The following WDR90 variants were observed in gnomAD, a reference collection of about 807,000 sequenced individuals.
WDR90 encodes the protein WD repeat domain 90.
A neutral mutation model predicts 195.2 loss-of-function variants in WDR90; 238 were observed. The observed-to-expected ratio is 1.22, with a 90% CI of 1.10 to 1.36. The LOEUF (loss-of-function observed/expected upper bound fraction) is 1.36. WDR90 is among the 40% of genes most tolerant of loss of function. The pLI is 0.00. For synonymous variants in WDR90, 1,265 were observed against 1,052.4 expected, an observed-to-expected ratio of 1.20 and a Z score of -3.91; for missense variants, 2,734 against 2,439.5, an observed-to-expected ratio of 1.12 and a Z score of -2.54.
At chr16:654,013 C>T (rs1322444373) in intron 13 of WDR90, 4 of 626,064 alleles carry the variant, frequency 6.4e-6, no homozygotes, top group East Asian at 2.8e-5. Flanking sequence ...TTTCACGTCT[C>T]GGCTTTTCGG....
chr16:665,759 G>T lies in WDR90; in HGVS notation c.4392G>T (p.Leu1464Phe). The change falls in exon 35 of 41, where the codon TTG becomes TTT. Residue 1464 changes from leucine to phenylalanine, a missense_variant. By Grantham distance (22) the Leu-to-Phe change is conservative. Coordinates refer to ENST00000293879, the MANE Select transcript of WDR90 (RefSeq NM_145294.5). ...SEDGSVRVWALASMELVIQFQ... is the reference protein window; with the variant it reads ...SEDGSVRVWAFASMELVIQFQ... Reference sequence around the variant, plus strand: ...ATGGGAGTGTGCGGGTGTGGGCCTTGGCCAGCATGGAGCTTGTGATCCAGT... The same window carrying T: ...ATGGGAGTGTGCGGGTGTGGGCCTTTGCCAGCATGGAGCTTGTGATCCAGT... The T allele has an allele frequency of 6.2e-7, 1 of 1,605,334 alleles. No individual in the cohort carries two copies. The highest frequency in any genetic ancestry group is 8.5e-7 in the Non-Finnish European group (1 of 1,174,394).
chr16:663,018 C>A (rs758865378), intron 34 of WDR90, 174 bp downstream of exon 34: 2 of 998,808 alleles, frequency 2.0e-6, no homozygotes, highest in African/African-American at 3.2e-5. Flanking sequence ...CCCTCAAAGC[C>A]GTCCCGGTTG....
Position 650,285 on chromosome 16 carries a change from A to G in WDR90, c.311A>G (p.Asn104Ser). The G allele has an allele frequency of 1.2e-6, 2 of 1,612,670 alleles. No homozygotes were observed. Among genetic ancestry groups the G allele is most frequent in the African/African-American group, 1.3e-5 (1 of 74,944 alleles). Residue 104 changes from asparagine to serine, a missense_variant, in exon 4 of 41, where the codon AAC becomes AGC. By Grantham distance (46) the Asn-to-Ser change is conservative. Coordinates refer to ENST00000293879, the MANE Select transcript of WDR90 (RefSeq NM_145294.5). ...CAAGTCATCCGTGTGTCTTTCTCCA[A>G]CCTCTTCAAGGAGTTTAAGTCTACG... Reference protein sequence around the residue: ...DNQVIRVSFSNLFKEFKSTAT... With the variant: ...DNQVIRVSFSSLFKEFKSTAT...
Position 653,641 on chromosome 16 carries a change from G to C in WDR90, c.1350G>C (p.Arg450=). The C allele has an allele frequency of 6.2e-7, 1 of 1,613,578 alleles. No individual in the cohort carries two copies. Among genetic ancestry groups the C allele is most frequent in the African/African-American group, 1.3e-5 (1 of 75,076 alleles). The change falls in exon 12 of 41, where the codon CGG becomes CGC. Residue 450 remains arginine, a synonymous_variant. Coordinates refer to ENST00000293879, the MANE Select transcript of WDR90 (RefSeq NM_145294.5). ...CCGGGCGGTGCTTGTGCCTGTTCCG[G>C]AGCCCAATGCACGTTGTCTGCTCTC... ...FQTGRCLCLF[R]SPMHVVCSLS...
rs758764444 is a variant in WDR90 at position 655,705 on chromosome 16, T to C, written c.1849+2T>C. Reference sequence around the variant, plus strand: ...CACAGAAGCAGACCTTCAGCTCAGGTAAGAGGGCGCCCACCACGTGGCCAG... The same window carrying C: ...CACAGAAGCAGACCTTCAGCTCAGGCAAGAGGGCGCCCACCACGTGGCCAG... On this transcript the variant is annotated splice_donor_variant, in intron 16 of 40. Transcript: ENST00000293879. LOFTEE classifies it high-confidence loss of function. The C allele has an allele frequency of 1.9e-6, 3 of 1,589,580 alleles. No homozygotes were observed. The highest frequency in any genetic ancestry group is 2.6e-6 in the Non-Finnish European group (3 of 1,167,564).
chr16:667,244 A>C (rs569629663), intron 40 of WDR90, among the ~76,000 whole-genome samples, 188 bp from the exon 41 acceptor site: 12 of 152,330 alleles, frequency 7.9e-5, no homozygotes, highest in African/African-American at 2.9e-4. Context: ...GCCCAGCTGC[A>C]GGCCGACAGC....
chr16:665,666 C>T lies in WDR90; in HGVS notation c.4312-13C>T, dbSNP rs200595767. The T allele has an allele frequency of 1.3e-4, 204 of 1,612,562 alleles. 1 individual carries two copies. Among genetic ancestry groups the T allele is most frequent in the Admixed American group, 2.2e-4 (13 of 60,030 alleles). ...GGGGCCAACACCCCCAGCCTAGCTACGGCTTCCCCCAGGTGAACGAGGTGG... is the reference window on the plus strand; with the variant it reads ...GGGGCCAACACCCCCAGCCTAGCTATGGCTTCCCCCAGGTGAACGAGGTGG... On this transcript the variant is annotated splice_polypyrimidine_tract_variant and intron_variant, in intron 34 of 40. Transcript: ENST00000293879.
At chr16:660,949 G>GCCCGGCCTCAGGCCCCGCCCCCT in intron 28 of WDR90, 102 bp from the exon 29 acceptor site, 1 of 392,428 alleles carries the variant, frequency 2.5e-6, no homozygotes, top group Non-Finnish European at 3.3e-6. Flanking sequence ...CCCGCCCCAC[G>GCCCGGCCTCAGGCCCCGCCCCCT]GCTCGGCCCA....
Position 652,469 on chromosome 16 carries a change from CT to C in WDR90, c.1058del (p.Phe353SerfsTer7). 1 of 1,606,046 alleles carries C rather than the reference CT, an allele frequency of 6.2e-7. No homozygotes were observed. The highest frequency in any genetic ancestry group is 8.5e-7 in the Non-Finnish European group (1 of 1,175,670). On this transcript the variant is annotated frameshift_variant, in exon 10 of 41. Transcript: ENST00000293879. LOFTEE classifies it high-confidence loss of function. ...PVARTGSCEG[F>X]LPDPVLRLKG... is the part of the protein sequence containing the mutation. ...TTTGATGCGAATGGCTGTTTCAGGG[CT>C]TCCTCCCAGACCCAGTCCTGAGGCT...
At chr16:656,224 G>T in intron 17 of WDR90, 78 bp from the exon 18 acceptor site, 1 of 1,338,318 alleles carries the variant, frequency 7.5e-7, no homozygotes, top group Non-Finnish European at 1.0e-6. Flanking sequence ...ATTTGCTGGG[G>T]TGTCGGGGAC....
In WDR90 at chr16:651,902, G is replaced by A. The variant is rs765671753; in HGVS notation, c.916G>A (p.Ala306Thr). ...LSQERSDASNADGPGFHSLEP... is the reference protein window; with the variant it reads ...LSQERSDASNTDGPGFHSLEP... The stretch of plus-strand genomic sequence containing the variant: ...CCAAGAGCGCTCAGACGCCTCCAAC[G>A]CGGATGGCCCCGGTTTCCATAGCCT... The change falls in exon 9 of 41, where the codon GCG becomes ACG. Residue 306 changes from alanine (A) to threonine (T), a missense_variant. Ala to Thr is a moderately conservative substitution (Grantham distance 58). Coordinates refer to ENST00000293879, the MANE Select transcript of WDR90 (RefSeq NM_145294.5). 8.7e-6 allele frequency: 14 copies of A among 1,611,184 alleles called. No individual in the cohort carries two copies. The Admixed American group carries it at 1.2e-4, about 13-fold the overall frequency.
rs1289875718 is a variant in WDR90, at chr16:649,942, C to A, written c.103-49C>A. 5 of 1,607,524 alleles carry A rather than the reference C, an allele frequency of 3.1e-6. No individual in the cohort carries two copies. The Middle Eastern group carries it at 5.1e-4, about 165-fold the overall frequency. ...GCCCCCGAGGGCCCCCTCGCCCCCG[C>A]TGCACTTCTTCTGGGTGCTGTCGGT... is the stretch of plus-strand genomic sequence containing the variant. On this transcript the variant is annotated intron_variant, in intron 2 of 40. Transcript: ENST00000293879.
Position 655,804 on chromosome 16 carries a change from C to T in WDR90, c.1881C>T (p.Val627=). 1 of 1,591,582 alleles carries T rather than the reference C, an allele frequency of 6.3e-7. No individual in the cohort carries two copies. Among genetic ancestry groups the T allele is most frequent in the Non-Finnish European group, 8.5e-7 (1 of 1,170,496 alleles). ...GPGIAISSLS[V]SPAMCAVGSE... ...GCATTGCCATCAGCAGCCTCAGCGTCTCCCCGGCCATGTGTGCTGTGGGCT... is the reference window on the plus strand; with the variant it reads ...GCATTGCCATCAGCAGCCTCAGCGTTTCCCCGGCCATGTGTGCTGTGGGCT... The change falls in exon 17 of 41, where the codon GTC becomes GTT. Residue 627 remains valine, a synonymous_variant. Coordinates refer to ENST00000293879, the MANE Select transcript of WDR90 (RefSeq NM_145294.5).
chr16:666,132 G>T lies in WDR90; in HGVS notation c.4609+8G>T, dbSNP rs940070147. On this transcript the variant is annotated splice_region_variant and intron_variant, in intron 36 of 40. Coordinates refer to ENST00000293879, the MANE Select transcript of WDR90 (RefSeq NM_145294.5). ...TTGCCTTCTCCACCGATGGTGAGGA[G>T]TTGGGTGTGTTGGGGATGGTGCCGT... The T allele has an allele frequency of 1.2e-6, 2 of 1,608,380 alleles. No individual in the cohort carries two copies. Among genetic ancestry groups the T allele is most frequent in the Admixed American group, 1.7e-5 (1 of 59,920 alleles).
At chr16:649,122 C>A, upstream of WDR90, 1 of 356,520 alleles carries the variant, frequency 2.8e-6, no homozygotes, top group Non-Finnish European at 5.0e-6. Context: ...GACAGGTGGG[C>A]GCGGCGGAGG....
chr16:652,826 C>T (rs970674058), intron 10 of WDR90, among the ~76,000 whole-genome samples: 8 of 152,194 alleles, frequency 5.3e-5, no homozygotes, highest in Non-Finnish European at 4.4e-5. Context: ...AGAGCTCTCA[C>T]GTCTTTAGAG....
Position 658,532 on chromosome 16 carries a change from G to C in WDR90, c.2774G>C (p.Gly925Ala). The C allele has an allele frequency of 6.2e-7, 1 of 1,610,426 alleles. No homozygotes were observed. Among genetic ancestry groups the C allele is most frequent in the Non-Finnish European group, 8.5e-7 (1 of 1,178,142 alleles). ...AAGAGCACTGTGTTCCAGCTGCCCGGTGTCCACCCTGAGCCCTGCCCCTCC... is the reference window on the plus strand; with the variant it reads ...AAGAGCACTGTGTTCCAGCTGCCCGCTGTCCACCCTGAGCCCTGCCCCTCC... ...VSGRIIRELPGVHPEPCPSLT... is the reference protein window; with the variant it reads ...VSGRIIRELPAVHPEPCPSLT... Residue 925 changes from glycine to alanine, a missense_variant, in exon 23 of 41, where the codon GGT becomes GCT. Coordinates refer to ENST00000293879, the MANE Select transcript of WDR90 (RefSeq NM_145294.5).
rs867337301 is a variant in WDR90 at position 661,072 on chromosome 16, G to C, written c.3413G>C (p.Gly1138Ala). 1.4e-6 allele frequency: 2 copies of C among 1,421,176 alleles called. No individual in the cohort carries two copies. The highest frequency in any genetic ancestry group is 1.8e-6 in the Non-Finnish European group (2 of 1,105,302). 88.0% of individuals were successfully genotyped at this position (1,421,176 alleles called of 1,614,324 possible). The change falls in exon 29 of 41, where the codon GGC (glycine) becomes GCC (alanine). Residue 1138 changes from glycine to alanine, a missense_variant. Gly to Ala is a moderately conservative substitution (Grantham distance 60, BLOSUM62 0). Coordinates refer to ENST00000293879, the MANE Select transcript of WDR90 (RefSeq NM_145294.5). ...ACAGGCTTCTTTGCCTACACGTGCG[G>C]CCGCCTGGTGGTGGTGGAGGACCTG... is the stretch of plus-strand genomic sequence containing the variant. Reference protein sequence around the residue: ...PDTGFFAYTCGRLVVVEDLHS... With the variant: ...PDTGFFAYTCARLVVVEDLHS...
Position 653,758 on chromosome 16 carries a change from C to T in WDR90, c.1392C>T (p.Ser464=), listed in dbSNP as rs368146656. 63 of 1,613,138 alleles carry T rather than the reference C, an allele frequency of 3.9e-5. No homozygotes were observed. Among genetic ancestry groups the T allele is most frequent in the Admixed American group, 2.2e-4 (13 of 60,006 alleles). Residue 464 remains serine (S), a synonymous_variant, in exon 13 of 41, where the codon AGC becomes AGT. Transcript: ENST00000293879. ...HVVCSLSFSD[S]GALLCGVGKD... is the part of the protein sequence containing the mutation. Reference sequence around the variant, plus strand: ...TCCCTGTTCACAGCTTCTCTGACAGCGGGGCCCTTCTCTGCGGGGTTGGCA... The same window carrying T: ...TCCCTGTTCACAGCTTCTCTGACAGTGGGGCCCTTCTCTGCGGGGTTGGCA...
Sources: gnomAD v4.1 joint callset for allele counts (sites outside exome capture counted in the v4.1 genomes callset) on GRCh38, gnomAD v4.1.1 for gene constraint, MANE v1.5 for transcripts, NCBI Gene and HGNC (gene_info 2026-07-23, HGNC 2026-07-21) for gene names.